Variants in CIB3 observed in about 807,000 individuals in gnomAD.
CIB3 encodes the protein calcium and integrin binding family member 3.
A neutral mutation model predicts 23.4 loss-of-function variants in CIB3; 22 were observed. That is an observed-to-expected ratio of 0.94 (90% CI 0.67 to 1.34). The LOEUF (loss-of-function observed/expected upper bound fraction) is 1.34. Among genes scored for constraint, CIB3 ranks in the 40% most tolerant of loss-of-function variants. CIB3 has a pLI of 0.00. For synonymous variants in CIB3, 93 were observed against 95.8 expected, an observed-to-expected ratio of 0.97 and a Z score of 0.17; for missense variants, 258 against 247.3, an observed-to-expected ratio of 1.04 and a Z score of -0.29.
chr19:16,167,987 G>A, intron 4 of CIB3, 150 bp downstream of exon 4: 1 of 959,222 alleles, frequency 1.0e-6, no homozygotes, highest in Non-Finnish European at 1.5e-6. Flanking sequence ...GCAAATAAAT[G>A]AGGTGGGGAG....
intron 4 of CIB3, 47 bp downstream of exon 4, chr19:16,168,090 T>TC: frequency 1.3e-6 from 1 of 777,240 alleles, no homozygotes; most frequent in Non-Finnish European, 2.1e-6. Context: ...CAGTTCCCAC[T>TC]CCCCACCCCA....
chr19:16,168,426 C>T (rs763710195), intron 3 of CIB3, 142 bp from the exon 4 acceptor site: 136 of 1,258,426 alleles, frequency 1.1e-4, no homozygotes, highest in Non-Finnish European at 1.4e-4. Flanking sequence ...GGTCCCTGGA[C>T]AGGACTTTGG....
In CIB3 at chr19:16,168,271, C is replaced by G. The variant is rs186929589; in HGVS notation, c.212G>C (p.Arg71Pro). ...AGAGAATACCTGGGCAATCCTCTGG[C>G]GGAAGGGGTTGTCCTGGGGACAGAA... Reference protein sequence around the residue: ...SMPELKDNPFRQRIAQVFSED... With the variant: ...SMPELKDNPFPQRIAQVFSED... Residue 71 changes from arginine (R) to proline (P), a missense_variant, in exon 4 of 6, where the codon CGC becomes CCC. Transcript: ENST00000269878. 2.5e-6 allele frequency: 4 copies of G among 1,613,706 alleles called. No homozygotes were observed. The highest frequency in any genetic ancestry group is 3.4e-6 in the Non-Finnish European group (4 of 1,179,922).
intron 5 of CIB3, among the ~76,000 whole-genome samples, chr19:16,161,798 C>T (rs2091286060): frequency 6.6e-6 from 1 of 151,054 alleles, no homozygotes; most frequent in Admixed American, 6.6e-5. Flanking sequence ...ATGCCTCAGC[C>T]TCCCGAGTAG....
chr19:16,172,356 T>C (rs2010664), intron 2 of CIB3, among the ~76,000 whole-genome samples: 101,582 of 151,894 alleles, frequency 0.67, 35,165 homozygotes, highest in East Asian at 0.95. Context: ...GGTTTCACCA[T>C]GTTGGCCAGG....
chr19:16,165,623 T>C (rs1337387597), intron 4 of CIB3, among the ~76,000 whole-genome samples: 1 of 151,960 alleles, frequency 6.6e-6, no homozygotes, highest in Non-Finnish European at 1.5e-5. Context: ...TTTGTGTTTT[T>C]AGTAGAGATG....
In CIB3 at chr19:16,169,615, A is replaced by G; in HGVS notation, c.198+15T>C. The G allele has an allele frequency of 6.2e-7, 1 of 1,609,362 alleles. No individual in the cohort carries two copies. The highest frequency in any genetic ancestry group is 1.3e-5 in the African/African-American group (1 of 74,952). ...TACTATTTTTTACCCTGTTTGTCCCATGGCCTGGGCATACCTTCAGCTCGG... is the reference window on the plus strand; with the variant it reads ...TACTATTTTTTACCCTGTTTGTCCCGTGGCCTGGGCATACCTTCAGCTCGG... On this transcript the variant is annotated intron_variant, in intron 3 of 5. Transcript: ENST00000269878.
rs75138712 is a variant in CIB3 at position 16,173,113 on chromosome 19, A to G, written c.86+49T>C. On this transcript the variant is annotated intron_variant, in intron 2 of 5. Transcript: ENST00000269878. ...AATTGCAAATATCCTCCAGCAATGAATAGAAAGTTGTTTTTCCAGATCTTC... is the reference window on the plus strand; with the variant it reads ...AATTGCAAATATCCTCCAGCAATGAGTAGAAAGTTGTTTTTCCAGATCTTC... 1,906 of 1,612,630 alleles carry G rather than the reference A, an allele frequency of 1.2e-3. 26 individuals carry two copies. The African/African-American group carries it at 0.02, about 17-fold the overall frequency.
chr19:16,168,629 G>A lies in CIB3; in HGVS notation c.199-345C>T, dbSNP rs568743449. On this transcript the variant is annotated intron_variant, in intron 3 of 5. Transcript: ENST00000269878. The stretch of plus-strand genomic sequence containing the variant: ...CTGGGATATTTTTCTGAAAAATTGG[G>A]AGGGAGGGGACCTGATTACTGCTGC... Among the ~76,000 whole-genome samples the A allele has an allele frequency of 2.0e-4, 30 of 152,302 alleles. 1 individual carries two copies. Among genetic ancestry groups the A allele is most frequent in the Middle Eastern group, 3.4e-3 (1 of 294 alleles).
intron 5 of CIB3, among the ~76,000 whole-genome samples, chr19:16,162,577 C>T (rs543030524): frequency 4.6e-5 from 7 of 151,926 alleles, no homozygotes; most frequent in African/African-American, 1.7e-4. Context: ...CATGGCGAAA[C>T]CTTATCTCTA....
Position 16,161,377 on chromosome 19 carries a change from G to A in CIB3, c.*88C>T, listed in dbSNP as rs1476720913. 4 of 1,351,858 alleles carry A rather than the reference G, an allele frequency of 3.0e-6. No homozygotes were observed. Among genetic ancestry groups the A allele is most frequent in the African/African-American group, 2.9e-5 (2 of 69,776 alleles). 83.7% of individuals were successfully genotyped at this position (1,351,858 alleles called of 1,614,324 possible). ...GTGTCCTCCCAGCAGGTGTGACTCA[G>A]TGACTTGTGTTTATTCTCAGAAACC... is the stretch of plus-strand genomic sequence containing the variant. On this transcript the variant is annotated 3_prime_UTR_variant, in exon 6 of 6. Coordinates refer to ENST00000269878, the MANE Select transcript of CIB3 (RefSeq NM_054113.4).
At chr19:16,170,270 G>A (rs796585528) in intron 2 of CIB3, among the ~76,000 whole-genome samples, 1 of 152,190 alleles carries the variant, frequency 6.6e-6, no homozygotes, top group Admixed American at 6.6e-5. Context: ...GACAAAGGGA[G>A]ACTGGACTGG....
intron 5 of CIB3, among the ~76,000 whole-genome samples, chr19:16,162,764 A>C (rs1257716934): frequency 6.6e-6 from 1 of 152,084 alleles, no homozygotes; most frequent in African/African-American, 2.4e-5. Context: ...CAAAAAAATA[A>C]AATAAAATAA....
At chr19:16,164,519 A>C (rs552611849) in intron 5 of CIB3, among the ~76,000 whole-genome samples, 199 bp downstream of exon 5, 2 of 152,046 alleles carry the variant, frequency 1.3e-5, no homozygotes, top group African/African-American at 4.8e-5. Context: ...AGGTGTATCC[A>C]CTCGCAAGAG....
chr19:16,173,437 C>T lies in CIB3; in HGVS notation c.39G>A (p.Leu13=). ...TGCCCCCCTCTACCTGATACGCTTCCAGCTGCTCGTGTGTGAAGACTGTCT... is the reference window on the plus strand; with the variant it reads ...TGCCCCCCTCTACCTGATACGCTTCTAGCTGCTCGTGTGTGAAGACTGTCT... ...NKQTVFTHEQ[L]EAYQDCTFFT... Residue 13 remains leucine (L), a synonymous_variant, in exon 1 of 6, where the codon CTG becomes CTA. Coordinates refer to ENST00000269878, the MANE Select transcript of CIB3 (RefSeq NM_054113.4). The T allele has an allele frequency of 6.2e-7, 1 of 1,614,052 alleles. No homozygotes were observed. The highest frequency in any genetic ancestry group is 8.5e-7 in the Non-Finnish European group (1 of 1,179,932).
chr19:16,170,462 G>A (rs2145085100), intron 2 of CIB3, among the ~76,000 whole-genome samples: 1 of 152,314 alleles, frequency 6.6e-6, no homozygotes. Flanking sequence ...ATATTGTCAT[G>A]TTATCAGCAA....
chr19:16,164,680 T>A (rs1209323857), intron 5 of CIB3, 38 bp downstream of exon 5: 2 of 1,577,158 alleles, frequency 1.3e-6, no homozygotes, highest in Non-Finnish European at 1.7e-6. Flanking sequence ...CCCCTTCAGA[T>A]GTGCAAATGG....
intron 5 of CIB3, among the ~76,000 whole-genome samples, chr19:16,163,400 C>A (rs1438964581): frequency 1.3e-5 from 2 of 151,860 alleles, no homozygotes; most frequent in African/African-American, 4.8e-5. Context: ...ACTAAAAATA[C>A]AAAAATTAGC....
chr19:16,168,279 G>T lies in CIB3; in HGVS notation c.204C>A (p.Asn68Lys). Residue 68 changes from asparagine (N) to lysine (K), a missense_variant, in exon 4 of 6, where the codon AAC becomes AAA. Coordinates refer to ENST00000269878, the MANE Select transcript of CIB3 (RefSeq NM_054113.4). ...CCTGGGCAATCCTCTGGCGGAAGGG[G>T]TTGTCCTGGGGACAGAAAGGAAGCT... The part of the protein sequence containing the change: ...LIGSMPELKD[N>K]PFRQRIAQVF... 6.2e-7 allele frequency: 1 copy of T among 1,613,742 alleles called. No individual in the cohort carries two copies. The highest frequency in any genetic ancestry group is 8.5e-7 in the Non-Finnish European group (1 of 1,179,900).
Sources: allele counts gnomAD v4.1 joint callset (sites outside exome capture counted in the v4.1 genomes callset), GRCh38; gene constraint gnomAD v4.1.1; transcripts MANE v1.5; gene names NCBI Gene and HGNC (gene_info 2026-07-23, HGNC 2026-07-21).